Variants in RELN observed in about 807,000 individuals in gnomAD.
The protein encoded by RELN is reelin.
A neutral mutation model predicts 427.6 loss-of-function variants in RELN; 108 were observed. The observed-to-expected ratio is 0.25, with a 90% CI of 0.22 to 0.30. The LOEUF is 0.30. Ranked by LOEUF, RELN falls within the 10% of genes least tolerant of loss-of-function variation. The pLI is 1.00. For missense variants in RELN, 3,715 were observed against 4,302.8 expected, an observed-to-expected ratio of 0.86 and a Z score of 3.82; for synonymous variants, 1,524 against 1,513.4, an observed-to-expected ratio of 1.01 and a Z score of -0.16.
chr7:103,946,137 G>A (rs575796884), intron 1 of RELN, among the ~76,000 whole-genome samples: 4 of 152,326 alleles, frequency 2.6e-5, no homozygotes, highest in Admixed American at 6.5e-5. Context: ...TTTTCCCAGT[G>A]CTGAGCGCAT....
chr7:103,789,268 A>G (rs1397486885), intron 3 of RELN, among the ~76,000 whole-genome samples: 1 of 152,190 alleles, frequency 6.6e-6, no homozygotes, highest in Non-Finnish European at 1.5e-5. Context: ...ACCATTCAGG[A>G]CACAGGCATG....
chr7:103,951,970 G>A (rs1334770433), intron 1 of RELN, among the ~76,000 whole-genome samples: 1 of 152,228 alleles, frequency 6.6e-6, no homozygotes, highest in Non-Finnish European at 1.5e-5. Context: ...ACTGTGCCCG[G>A]CCCTCTGGGC....
At chr7:103,518,020 C>CT (rs1376572867) in intron 49 of RELN, among the ~76,000 whole-genome samples, 2 of 152,148 alleles carry the variant, frequency 1.3e-5, no homozygotes, top group African/African-American at 4.8e-5. Flanking sequence ...AGTTGGGGAG[C>CT]TAGTGGCCCT....
At chr7:103,758,042 G>A (rs1791205725) in intron 4 of RELN, among the ~76,000 whole-genome samples, 3 of 152,130 alleles carry the variant, frequency 2.0e-5, no homozygotes, top group Non-Finnish European at 2.9e-5. Context: ...GTTCGGATAG[G>A]ATGAATCTAG....
intron 47 of RELN, 139 bp from the exon 48 acceptor site, chr7:103,522,338 C>T: frequency 2.6e-6 from 2 of 780,412 alleles, no homozygotes; most frequent in South Asian, 1.5e-5. Flanking sequence ...TGCCAGAATA[C>T]ACCTGCTCTC....
intron 8 of RELN, among the ~76,000 whole-genome samples, chr7:103,722,014 A>G (rs1292491299): frequency 6.6e-6 from 1 of 152,212 alleles, no homozygotes; most frequent in Admixed American, 6.6e-5. Flanking sequence ...TCTTTCATCA[A>G]AAAAACCATT....
chr7:103,705,752 C>T (rs545271417), intron 8 of RELN, among the ~76,000 whole-genome samples: 2 of 152,164 alleles, frequency 1.3e-5, no homozygotes, highest in African/African-American at 4.8e-5. Flanking sequence ...AACTTCAAAG[C>T]TGTGTGGCCT....
chr7:103,978,610 C>T (rs1238344677), intron 1 of RELN, among the ~76,000 whole-genome samples: 1 of 152,198 alleles, frequency 6.6e-6, no homozygotes, highest in South Asian at 2.1e-4. Context: ...CAATACGTGT[C>T]AAATCAATCA....
At chr7:103,841,158 T>C (rs1346683022) in intron 2 of RELN, among the ~76,000 whole-genome samples, 1 of 152,216 alleles carries the variant, frequency 6.6e-6, no homozygotes, top group Non-Finnish European at 1.5e-5. Context: ...CAAAGTTCTA[T>C]AAAGTTGACA....
intron 1 of RELN, among the ~76,000 whole-genome samples, chr7:103,918,580 G>A (rs1484591504): frequency 2.6e-5 from 4 of 152,050 alleles, no homozygotes; most frequent in African/African-American, 7.2e-5. Context: ...CAAGTATTTC[G>A]TTCACTGATA....
At chr7:103,804,587 G>A (rs188977901) in intron 3 of RELN, among the ~76,000 whole-genome samples, 1 of 152,256 alleles carries the variant, frequency 6.6e-6, no homozygotes, top group Admixed American at 6.5e-5. Flanking sequence ...ATAATGCGTA[G>A]TAACACCAAA....
intron 63 of RELN, among the ~76,000 whole-genome samples, chr7:103,481,318 G>A (rs1828228160): frequency 6.6e-6 from 1 of 152,082 alleles, no homozygotes; most frequent in African/African-American, 2.4e-5. Context: ...TTACTCAAGG[G>A]GCAGGATTAC....
intron 45 of RELN, 108 bp from the exon 46 acceptor site, chr7:103,535,592 G>T: frequency 9.0e-7 from 1 of 1,116,702 alleles, no homozygotes; most frequent in Non-Finnish European, 1.3e-6. Context: ...ATGTCAGTTT[G>T]ATTTTTTCCC....
chr7:103,906,550 C>T (rs909298923), intron 2 of RELN, among the ~76,000 whole-genome samples: 2 of 151,900 alleles, frequency 1.3e-5, no homozygotes, highest in African/African-American at 2.4e-5. Flanking sequence ...TCTCTCTCCT[C>T]CTCTCTCTGC....
At chr7:103,501,201 TAC>T (rs1323284952) in intron 52 of RELN, among the ~76,000 whole-genome samples, 1 of 152,212 alleles carries the variant, frequency 6.6e-6, no homozygotes. Context: ...AATATTTAAA[TAC>T]ACAAATCTGT....
intron 1 of RELN, among the ~76,000 whole-genome samples, chr7:103,979,619 G>GT (rs1284598980): frequency 2.6e-5 from 4 of 152,234 alleles, no homozygotes; most frequent in African/African-American, 9.6e-5. Flanking sequence ...TTTGAGCAGT[G>GT]AACAGGTCAG....
intron 3 of RELN, among the ~76,000 whole-genome samples, chr7:103,798,857 T>C (rs1032961573): frequency 3.9e-5 from 6 of 152,200 alleles, no homozygotes; most frequent in African/African-American, 1.4e-4. Flanking sequence ...GCTAGAGCTT[T>C]AGCTCCAAAC....
intron 22 of RELN, among the ~76,000 whole-genome samples, chr7:103,606,098 T>C (rs957684990): frequency 6.6e-6 from 1 of 152,184 alleles, no homozygotes; most frequent in Non-Finnish European, 1.5e-5. Context: ...CACTACAGAA[T>C]AGACGTAAAT....
chr7:103,976,254 T>C (rs1416221802), intron 1 of RELN, among the ~76,000 whole-genome samples: 2 of 152,140 alleles, frequency 1.3e-5, no homozygotes, highest in African/African-American at 4.8e-5. Flanking sequence ...GGACGGACAC[T>C]GGGAAAACAG....
Sources: gnomAD v4.1 joint callset for allele counts (sites outside exome capture counted in the v4.1 genomes callset) on GRCh38, gnomAD v4.1.1 for gene constraint, MANE v1.5 for transcripts, NCBI Gene and HGNC (gene_info 2026-07-23, HGNC 2026-07-21) for gene names.